The following PLA2R1 variants were observed in gnomAD, a reference collection of about 807,000 sequenced individuals.
PLA2R1 encodes the protein secretory phospholipase A2 receptor.
A neutral mutation model predicts 195.9 loss-of-function variants in PLA2R1; 158 were observed. That is an observed-to-expected ratio of 0.81 (90% CI 0.71 to 0.92). The LOEUF is 0.92. Among genes scored for constraint, PLA2R1 ranks in the 40% least tolerant of loss-of-function variants. The pLI is 0.00. For missense variants in PLA2R1, 1,626 were observed against 1,764.6 expected (o/e 0.92, Z 1.41); for synonymous variants, 586 against 598.2 (o/e 0.98, Z 0.30).
chr2:159,947,429 G>A lies in PLA2R1; in HGVS notation c.3840C>T (p.Cys1280=). The change falls in exon 26 of 30, where the codon TGC becomes TGT. Residue 1280 remains cysteine (C), a synonymous_variant. Transcript: ENST00000283243. ...SMSFEAAHEF[C]KKEGSNLLTI... The stretch of plus-strand genomic sequence containing the variant: ...CACAAAAACAATTACCTTCCTTTTT[G>A]CAAAATTCATGAGCAGCCTCAAAAC... 1.3e-6 allele frequency: 2 copies of A among 1,590,130 alleles called. No homozygotes were observed. The highest frequency in any genetic ancestry group is 1.4e-5 in the African/African-American group (1 of 73,140).
intron 1 of PLA2R1, among the ~76,000 whole-genome samples, chr2:160,057,661 C>T (rs905786258): frequency 5.9e-5 from 9 of 152,142 alleles, no homozygotes; most frequent in Non-Finnish European, 1.2e-4. Context: ...TATCATAAGA[C>T]CTCTCTCACT....
chr2:159,940,602 T>C lies in PLA2R1; in HGVS notation c.*1176A>G, dbSNP rs1298708493. The C allele has an allele frequency of 6.6e-6, 1 of 152,188 alleles. No homozygotes were observed. Among genetic ancestry groups the C allele is most frequent in the African/African-American group, 2.4e-5 (1 of 41,448 alleles). The allele number at this position is 152,188 out of a possible 1,614,324, so 9.4% of individuals were successfully genotyped here. A position where few individuals can be genotyped will look rare whatever the true frequency, so the allele number is the denominator to read the frequency against. ...ATTCAATAAACAGTTATGTAATGAGTAAATTTTTAGATATTGATTATGAAG... is the reference window on the plus strand; with the variant it reads ...ATTCAATAAACAGTTATGTAATGAGCAAATTTTTAGATATTGATTATGAAG... On this transcript the variant is annotated 3_prime_UTR_variant, in exon 30 of 30. Coordinates refer to ENST00000283243, the MANE Select transcript of PLA2R1 (RefSeq NM_007366.5).
intron 11 of PLA2R1, among the ~76,000 whole-genome samples, chr2:160,002,805 T>C (rs1381774653): frequency 1.3e-5 from 2 of 152,102 alleles, no homozygotes; most frequent in South Asian, 2.1e-4. Context: ...GGTTTACTAC[T>C]GTAAAGCAAT....
chr2:159,929,586 G>A (rs1173844143), downstream of PLA2R1, among the ~76,000 whole-genome samples: 2 of 152,174 alleles, frequency 1.3e-5, no homozygotes, highest in Non-Finnish European at 2.9e-5. Flanking sequence ...ATGGAAAACA[G>A]TGTGGAGATT....
intron 28 of PLA2R1, among the ~76,000 whole-genome samples, chr2:159,943,020 A>AGAGGACAAT (rs1687176526): frequency 6.7e-6 from 1 of 148,358 alleles, no homozygotes; most frequent in Non-Finnish European, 1.5e-5. Flanking sequence ...TGCCCGGGCC[A>AGAGGACAAT]GAGTACAATG....
intron 23 of PLA2R1, among the ~76,000 whole-genome samples, chr2:159,953,476 C>T (rs973466746): frequency 3.9e-5 from 6 of 152,164 alleles, no homozygotes; most frequent in Non-Finnish European, 7.3e-5. Flanking sequence ...AAAACTATAT[C>T]GTTTGTTAAA....
chr2:159,946,025 A>G, intron 27 of PLA2R1: 1 of 984,618 alleles, frequency 1.0e-6, no homozygotes, highest in Non-Finnish European at 1.2e-6. Context: ...ACTTTCTAAA[A>G]AGATTTTACA....
chr2:160,034,406 A>C (rs965017761), intron 3 of PLA2R1, among the ~76,000 whole-genome samples: 12 of 152,232 alleles, frequency 7.9e-5, no homozygotes, highest in Non-Finnish European at 1.5e-5. Context: ...AAGGAAAAGA[A>C]AGAAAGGAAA....
chr2:160,034,010 T>C (rs1020019211), intron 3 of PLA2R1, among the ~76,000 whole-genome samples: 4 of 152,152 alleles, frequency 2.6e-5, no homozygotes, highest in African/African-American at 9.7e-5. Context: ...AAGACAACTT[T>C]AAGAGGCTCC....
At chr2:160,051,138 G>T (rs1175962213) in intron 1 of PLA2R1, among the ~76,000 whole-genome samples, 1 of 152,168 alleles carries the variant, frequency 6.6e-6, no homozygotes, top group Admixed American at 6.5e-5. Context: ...AGGACTTTCT[G>T]GTATTCAATA....
At position 159,933,035 on chromosome 2, in the gene PLA2R1, A is replaced by T. The variant is rs544780286; in HGVS notation, c.*8743T>A. ...TTTGAAGAAAAAAGATGGTATTGCT[A>T]TTCATAATTACAAGAAATGGATGAT... On this transcript the variant is annotated 3_prime_UTR_variant, in exon 30 of 30. Coordinates refer to ENST00000283243, the MANE Select transcript of PLA2R1 (RefSeq NM_007366.5). The T allele has an allele frequency of 1.0e-3, 156 of 151,750 alleles. No homozygotes were observed. The highest frequency in any genetic ancestry group is 1.7e-3 in the South Asian group (8 of 4,808). 9.4% of individuals were successfully genotyped at this position (151,750 alleles called of 1,614,324 possible). A position where few individuals can be genotyped will look rare whatever the true frequency, so the allele number is the denominator to read the frequency against.
At chr2:159,948,759 T>C (rs1461749963) in intron 25 of PLA2R1, among the ~76,000 whole-genome samples, 1 of 152,146 alleles carries the variant, frequency 6.6e-6, no homozygotes, top group East Asian at 1.9e-4. Context: ...CCTGAATTGT[T>C]TTGATCTAAA....
At chr2:160,016,936 G>C (rs1481562386) in intron 8 of PLA2R1, among the ~76,000 whole-genome samples, 1 of 152,206 alleles carries the variant, frequency 6.6e-6, no homozygotes, top group African/African-American at 2.4e-5. Context: ...GGGTGGGCAG[G>C]AGAGAGGGAG....
intron 13 of PLA2R1, among the ~76,000 whole-genome samples, chr2:159,983,035 G>T (rs766327418): frequency 6.6e-5 from 10 of 152,134 alleles, no homozygotes; most frequent in Non-Finnish European, 1.2e-4. Flanking sequence ...TCCAAAGTGA[G>T]AGGCCAAACT....
intron 14 of PLA2R1, among the ~76,000 whole-genome samples, chr2:159,978,311 A>G (rs1689712790): frequency 6.6e-6 from 1 of 152,320 alleles, no homozygotes; most frequent in African/African-American, 2.4e-5. Context: ...GAATGGATGT[A>G]CCACAAGTAA....
intron 20 of PLA2R1, among the ~76,000 whole-genome samples, chr2:159,957,349 T>C (rs760852912): frequency 5.3e-5 from 8 of 152,160 alleles, no homozygotes; most frequent in Non-Finnish European, 1.2e-4. Flanking sequence ...GAGGTTTCTT[T>C]TCTTTTCTTT....
At chr2:159,925,918 C>G in the PLA2R1 span, among the ~76,000 whole-genome samples, 148 of 152,244 alleles carry the variant, frequency 9.7e-4, no homozygotes, top group Admixed American at 2.6e-3. Context: ...ACAAAATGCC[C>G]GTCTCTGTTT....
intron 9 of PLA2R1, among the ~76,000 whole-genome samples, chr2:160,015,271 C>T (rs1692654528): frequency 1.3e-5 from 2 of 152,186 alleles, no homozygotes; most frequent in African/African-American, 2.4e-5. Context: ...ACTTCTTTTG[C>T]TTTGAAATTA....
intron 8 of PLA2R1, among the ~76,000 whole-genome samples, chr2:160,019,357 T>C (rs1263927637): frequency 6.6e-6 from 1 of 152,160 alleles, no homozygotes. Flanking sequence ...GGCACCACCA[T>C]ACACCAAAAC....
Sources: allele counts gnomAD v4.1 joint callset (sites outside exome capture counted in the v4.1 genomes callset), GRCh38; gene constraint gnomAD v4.1.1; transcripts MANE v1.5; gene names NCBI Gene and HGNC (gene_info 2026-07-23, HGNC 2026-07-21).